AFMID: variants seen among roughly 807,000 people sequenced by gnomAD.
AFMID encodes arylformamidase.
Under a neutral mutation model 47.5 loss-of-function variants are expected in AFMID, and 39 were observed. That is an observed-to-expected ratio of 0.82 (90% CI 0.64 to 1.07). The LOEUF (loss-of-function observed/expected upper bound fraction) is 1.07. Among genes scored for constraint, AFMID ranks in the 50% least tolerant of loss-of-function variants. The pLI is 0.00. For missense variants in AFMID, 375 were observed against 387.5 expected (o/e 0.97, Z 0.27); for synonymous variants, 130 against 153.2 (o/e 0.85, Z 1.12).
At chr17:78,196,178 A>G (rs559611659) in intron 2 of AFMID, among the ~76,000 whole-genome samples, 15 of 152,256 alleles carry the variant, frequency 9.9e-5, no homozygotes, top group African/African-American at 3.6e-4. Flanking sequence ...CAGCCTGGCC[A>G]ACATAGTGAA....
At position 78,206,960 on chromosome 17, in the gene AFMID, G is replaced by T; in HGVS notation, c.*23G>T. On this transcript the variant is annotated 3_prime_UTR_variant, in exon 11 of 11. Transcript: ENST00000409257. Reference sequence around the variant, plus strand: ...TAGTTCTGACGATACTTGGAGCCTGGTCCACGTGCATCCCACCTTGGGAAG... The same window carrying T: ...TAGTTCTGACGATACTTGGAGCCTGTTCCACGTGCATCCCACCTTGGGAAG... 6.2e-7 allele frequency: 1 copy of T among 1,613,304 alleles called. No individual in the cohort carries two copies. Among genetic ancestry groups the T allele is most frequent in the South Asian group, 1.1e-5 (1 of 91,068 alleles).
chr17:78,193,585 G>T (rs187748655), intron 2 of AFMID, among the ~76,000 whole-genome samples: 3 of 151,210 alleles, frequency 2.0e-5, no homozygotes, highest in Admixed American at 1.3e-4. Context: ...TGTCACACAC[G>T]CCTGTAATCC....
intron 4 of AFMID, chr17:78,203,779 T>G (rs2076307628): frequency 6.6e-6 from 1 of 152,048 alleles, no homozygotes; most frequent in Non-Finnish European, 1.5e-5. Context: ...ATCCCAACAC[T>G]TTGGAAGGGC....
intron 1 of AFMID, among the ~76,000 whole-genome samples, chr17:78,188,859 A>G (rs2075880707): frequency 6.6e-6 from 1 of 152,132 alleles, no homozygotes; most frequent in Non-Finnish European, 1.5e-5. Flanking sequence ...GGCCTCCCAA[A>G]GTGCTGGGTT....
intron 2 of AFMID, chr17:78,192,515 TGTTG>T: frequency 2.5e-6 from 1 of 407,084 alleles, no homozygotes; most frequent in Non-Finnish European, 5.0e-6. Flanking sequence ...GGTTTCTCCA[TGTTG>T]GTTAGGCTGG....
intron 1 of AFMID, among the ~76,000 whole-genome samples, chr17:78,189,004 T>C (rs987769650): frequency 3.3e-5 from 5 of 152,042 alleles, no homozygotes; most frequent in Non-Finnish European, 7.4e-5. Context: ...AGTGCTGAGA[T>C]TACAGGTGTG....
chr17:78,191,249 T>C (rs2075960714), intron 2 of AFMID, among the ~76,000 whole-genome samples, 189 bp downstream of exon 2: 1 of 152,132 alleles, frequency 6.6e-6, no homozygotes, highest in African/African-American at 2.4e-5. Flanking sequence ...CAGGGACTAC[T>C]GGAGGCAGGA....
At chr17:78,205,044 T>G (rs1221312329) in intron 6 of AFMID, 49 bp from the exon 7 acceptor site, 1 of 1,572,466 alleles carries the variant, frequency 6.4e-7, no homozygotes, top group Non-Finnish European at 8.7e-7. Flanking sequence ...GGCCTGATGT[T>G]GTGGGGAAAC....
At chr17:78,194,141 C>G (rs577313219) in intron 2 of AFMID, among the ~76,000 whole-genome samples, 2 of 149,822 alleles carry the variant, frequency 1.3e-5, no homozygotes, top group African/African-American at 2.4e-5. Flanking sequence ...GACAAGGCCT[C>G]GCTTTGTCAC....
intron 1 of AFMID, among the ~76,000 whole-genome samples, chr17:78,190,457 G>A (rs1368642238): frequency 1.3e-5 from 2 of 151,938 alleles, no homozygotes; most frequent in African/African-American, 2.4e-5. Flanking sequence ...GCAGTGGTGC[G>A]ATCTCGGCTC....
chr17:78,199,444 C>T (rs907567910), intron 2 of AFMID, among the ~76,000 whole-genome samples: 15 of 150,780 alleles, frequency 9.9e-5, no homozygotes, highest in Non-Finnish European at 8.8e-5. Flanking sequence ...GGTGCAATCT[C>T]GGCTCGCTGC....
Position 78,207,065 on chromosome 17 carries a change from T to TGCCC in AFMID, c.*130_*133dup. On this transcript the variant is annotated 3_prime_UTR_variant, in exon 11 of 11. Coordinates refer to ENST00000409257, the MANE Select transcript of AFMID (RefSeq NM_001010982.5). Reference sequence around the variant, plus strand: ...CCAGGAGAGCCTTGCTGTGTCTGTCTGCCCGGCAAGAGTCCATTCTCACTG... The same window carrying TGCCC: ...CCAGGAGAGCCTTGCTGTGTCTGTCTGCCCGCCCGGCAAGAGTCCATTCTCACTG... 1 of 1,021,022 alleles carries TGCCC rather than the reference T, an allele frequency of 9.8e-7. No individual in the cohort carries two copies. Among genetic ancestry groups the TGCCC allele is most frequent in the South Asian group, 1.3e-5 (1 of 77,700 alleles). The allele number at this position is 1,021,022 out of a possible 1,614,324, so 63.2% of individuals were successfully genotyped here. A position where few individuals can be genotyped will look rare whatever the true frequency, so the allele number is the denominator to read the frequency against.
chr17:78,192,529 G>A, intron 2 of AFMID: 1 of 439,410 alleles, frequency 2.3e-6, no homozygotes, highest in Non-Finnish European at 4.7e-6. Context: ...GGTTAGGCTG[G>A]TCTCAAACTC....
intron 2 of AFMID, among the ~76,000 whole-genome samples, chr17:78,194,439 A>G (rs1249620652): frequency 6.6e-6 from 1 of 151,486 alleles, no homozygotes; most frequent in East Asian, 2.0e-4. Flanking sequence ...GGAGAATTAT[A>G]TTTTTTCTCA....
At chr17:78,191,163 T>C in intron 2 of AFMID, 103 bp downstream of exon 2, 1 of 972,590 alleles carries the variant, frequency 1.0e-6, no homozygotes. Context: ...CACCTGGGCC[T>C]CGAGGGGCAT....
intron 2 of AFMID, among the ~76,000 whole-genome samples, chr17:78,194,583 T>A (rs895866760): frequency 2.0e-5 from 3 of 152,226 alleles, no homozygotes; most frequent in African/African-American, 7.2e-5. Context: ...GAACAAAGTC[T>A]AACTGCTGTG....
Position 78,207,099 on chromosome 17 carries a change from C to A in AFMID, c.*162C>A. 1 of 761,256 alleles carries A rather than the reference C, an allele frequency of 1.3e-6. No homozygotes were observed. The highest frequency in any genetic ancestry group is 2.2e-6 in the Non-Finnish European group (1 of 446,822). The allele number at this position is 761,256 out of a possible 1,614,324, so 47.2% of individuals were successfully genotyped here. On this transcript the variant is annotated 3_prime_UTR_variant, in exon 11 of 11. Coordinates refer to ENST00000409257, the MANE Select transcript of AFMID (RefSeq NM_001010982.5). ...AGAGTCCATTCTCACTGCTGGGACA[C>A]TCATGAAAATCTCCACGTCCTCCCT...
chr17:78,204,997 C>T (rs769818287), intron 6 of AFMID, 96 bp from the exon 7 acceptor site: 1 of 1,575,078 alleles, frequency 6.3e-7, no homozygotes, highest in Non-Finnish European at 8.7e-7. Flanking sequence ...CCCCTCTGGC[C>T]TGTGGAGCAG....
Position 78,207,017 on chromosome 17 carries a change from A to T in AFMID, c.*80A>T. The T allele has an allele frequency of 4.2e-6, 6 of 1,438,184 alleles. No homozygotes were observed. The highest frequency in any genetic ancestry group is 2.3e-5 in the South Asian group (2 of 87,436). 89.1% of individuals were successfully genotyped at this position (1,438,184 alleles called of 1,614,324 possible). ...CAAAGAGCTTTCGGAGCTGACACTG[A>T]CAGCTTCAGTTTCCCCCAGCACCCA... On this transcript the variant is annotated 3_prime_UTR_variant, in exon 11 of 11. Coordinates refer to ENST00000409257, the MANE Select transcript of AFMID (RefSeq NM_001010982.5).
Sources: gnomAD v4.1 joint callset for allele counts (sites outside exome capture counted in the v4.1 genomes callset) on GRCh38, gnomAD v4.1.1 for gene constraint, MANE v1.5 for transcripts, NCBI Gene and HGNC (gene_info 2026-07-23, HGNC 2026-07-21) for gene names.